AKR1B10: variants seen among roughly 807,000 people sequenced by gnomAD.
The protein encoded by AKR1B10 is aldo-keto reductase family 1 member B10.
AKR1B10 carries 39 observed loss-of-function variants against 38.9 expected under a neutral mutation model. That is an observed-to-expected ratio of 1.00 (90% CI 0.78 to 1.31). AKR1B10 has a LOEUF of 1.31. AKR1B10 is among the 50% of genes most tolerant of loss of function. AKR1B10 has a pLI of 0.00. For synonymous variants in AKR1B10, 148 were observed against 141.2 expected (o/e 1.05, Z -0.34); for missense variants, 361 against 382.6 (o/e 0.94, Z 0.47).
rs200867855 is a variant in AKR1B10, at chr7:134,540,219, G to GA, written c.909-816dup. On this transcript the variant is annotated intron_variant, in intron 9 of 9. Transcript: ENST00000359579. ...GGTGACAGCGCGAGACTCTGTCTCA[G>GA]AAAAAAAAAAAAGGTTTCAGTATCT... is the stretch of plus-strand genomic sequence containing the variant. 2.3e-3 allele frequency among the ~76,000 whole-genome samples: 331 copies of GA among 142,988 alleles called. 2 individuals carry two copies. Among genetic ancestry groups the GA allele is most frequent in the Admixed American group, 4.2e-3 (61 of 14,394 alleles). 93.8% of individuals were successfully genotyped at this position (142,988 alleles called of 152,430 possible).
At chr7:134,529,392 AGGGAATCT>A (rs1807787126) in intron 1 of AKR1B10, among the ~76,000 whole-genome samples, 1 of 152,210 alleles carries the variant, frequency 6.6e-6, no homozygotes, top group Non-Finnish European at 1.5e-5. Flanking sequence ...CCAGATCTCC[AGGGAATCT>A]ACTCACCCTG....
rs995647142 is a variant in AKR1B10, at chr7:134,537,032, G to A, written c.553-19G>A. ...ACAGAGCCGGCTTTCCCCGTGATGAGGATTGTTTGCTGTTGCAGGTTGAGT... is the reference window on the plus strand; with the variant it reads ...ACAGAGCCGGCTTTCCCCGTGATGAAGATTGTTTGCTGTTGCAGGTTGAGT... On this transcript the variant is annotated intron_variant, in intron 5 of 9. Coordinates refer to ENST00000359579, the MANE Select transcript of AKR1B10 (RefSeq NM_020299.5). 5.2e-5 allele frequency: 82 copies of A among 1,572,896 alleles called. No homozygotes were observed. The African/African-American group carries it at 1.1e-3, about 20-fold the overall frequency.
chr7:134,537,243 GTTAC>G (rs931537589), intron 6 of AKR1B10, 86 bp downstream of exon 6: 3 of 1,497,334 alleles, frequency 2.0e-6, no homozygotes, highest in Admixed American at 4.7e-5. Context: ...GGGTCCATAA[GTTAC>G]TGGAAAGAAA....
At chr7:134,535,585 C>CCTTTTTTTTTTTTTTTT (rs1554396831) in intron 4 of AKR1B10, 1 of 401,996 alleles carries the variant, frequency 2.5e-6, no homozygotes, top group African/African-American at 3.0e-5. Context: ...TCTTTTCTGT[C>CCTTTTTTTTTTTTTTTT]TTTTTTTTTT....
intron 2 of AKR1B10, 76 bp downstream of exon 2, chr7:134,530,886 C>A: frequency 6.5e-7 from 1 of 1,530,340 alleles, no homozygotes; most frequent in Non-Finnish European, 8.8e-7. Flanking sequence ...GCAGCAAGAA[C>A]TCTGTCAGCC....
intron 4 of AKR1B10, among the ~76,000 whole-genome samples, chr7:134,534,619 C>A (rs74617021): frequency 0.015 from 2,354 of 152,222 alleles, 153 homozygotes; most frequent in Admixed American, 0.12. Context: ...AATGAGCAGG[C>A]TTGAATATGT....
intron 4 of AKR1B10, among the ~76,000 whole-genome samples, chr7:134,536,425 T>C (rs1056965671): frequency 2.3e-4 from 35 of 152,234 alleles, no homozygotes; most frequent in Non-Finnish European, 4.4e-4. Context: ...GAACATAAAA[T>C]CTTTACCTGT....
intron 3 of AKR1B10, among the ~76,000 whole-genome samples, chr7:134,532,405 T>C (rs1006479180): frequency 2.0e-5 from 3 of 152,162 alleles, no homozygotes; most frequent in African/African-American, 7.2e-5. Context: ...ATTATCTTAT[T>C]AAGCAAAGTA....
chr7:134,539,804 T>A (rs1211906971), intron 9 of AKR1B10, among the ~76,000 whole-genome samples: 4 of 152,212 alleles, frequency 2.6e-5, no homozygotes, highest in Non-Finnish European at 5.9e-5. Context: ...AGCAATACTT[T>A]CTGAATAATG....
rs115450151 is a variant in AKR1B10 at position 134,530,053 on chromosome 7, A to C, written c.67-590A>C. Among the ~76,000 whole-genome samples, 469 of 152,172 alleles carry C rather than the reference A, an allele frequency of 3.1e-3. 3 individuals are homozygous for C. The highest frequency in any genetic ancestry group is 0.011 in the African/African-American group (443 of 41,510). On this transcript the variant is annotated intron_variant, in intron 1 of 9. Coordinates refer to ENST00000359579, the MANE Select transcript of AKR1B10 (RefSeq NM_020299.5). Reference sequence around the variant, plus strand: ...GGTGCTATTTTTTTTTCCATTTTGCATACAAGGTTTACAGAGATTGAATCA... The same window carrying C: ...GGTGCTATTTTTTTTTCCATTTTGCCTACAAGGTTTACAGAGATTGAATCA...
chr7:134,540,473 G>C (rs1297514609), intron 9 of AKR1B10, among the ~76,000 whole-genome samples: 2 of 152,126 alleles, frequency 1.3e-5, no homozygotes, highest in Non-Finnish European at 2.9e-5. Context: ...GGAGGCAATG[G>C]GTTGGTGGGC....
At chr7:134,539,615 A>C (rs1489615815) in intron 9 of AKR1B10, among the ~76,000 whole-genome samples, 2 of 152,112 alleles carry the variant, frequency 1.3e-5, no homozygotes, top group African/African-American at 4.8e-5. Context: ...AGCAGGTGCA[A>C]AGTCCCTGAG....
chr7:134,530,930 G>T (rs2117538189), intron 2 of AKR1B10, 120 bp downstream of exon 2: 1 of 1,349,302 alleles, frequency 7.4e-7, no homozygotes, highest in Non-Finnish European at 1.0e-6. Flanking sequence ...TCTCTGCCTT[G>T]ATAACATCCG....
chr7:134,535,742 T>C lies in AKR1B10; in HGVS notation c.430-908T>C, dbSNP rs572157400. The C allele has an allele frequency of 3.5e-5, 33 of 945,556 alleles. No homozygotes were observed. In the African/African-American group the frequency reaches 5.2e-4, roughly 15 times the overall value. The allele number at this position is 945,556 out of a possible 1,614,324, so 58.6% of individuals were successfully genotyped here. On this transcript the variant is annotated intron_variant, in intron 4 of 9. Transcript: ENST00000359579. ...GTTATCTGAGGCAGCCTCAGTGTCA[T>C]GATTGATGGCTCCATAGAAGGGAAC...
Position 134,541,038 on chromosome 7 carries a change from T to A in AKR1B10, c.909-9T>A. 1 of 1,567,854 alleles carries A rather than the reference T, an allele frequency of 6.4e-7. No homozygotes were observed. The highest frequency in any genetic ancestry group is 8.8e-7 in the Non-Finnish European group (1 of 1,140,564). On this transcript the variant is annotated splice_polypyrimidine_tract_variant and intron_variant, in intron 9 of 9. Coordinates refer to ENST00000359579, the MANE Select transcript of AKR1B10 (RefSeq NM_020299.5). Reference sequence around the variant, plus strand: ...TTTCTCTGTTTTTGTTTTTTGTTCTTTCCTGCAGATCCTCTCATTTGGAAG... The same window carrying A: ...TTTCTCTGTTTTTGTTTTTTGTTCTATCCTGCAGATCCTCTCATTTGGAAG...
At position 134,530,241 on chromosome 7, in the gene AKR1B10, G is replaced by A. The variant is rs1051180486; in HGVS notation, c.67-402G>A. On this transcript the variant is annotated intron_variant, in intron 1 of 9. Coordinates refer to ENST00000359579, the MANE Select transcript of AKR1B10 (RefSeq NM_020299.5). ...GTCTTCAGAAAGTTGTAGTGGAGCG[G>A]TCTGCACCCCCACACACCTGAAGAC... Among the ~76,000 whole-genome samples, 10 of 152,272 alleles carry A rather than the reference G, an allele frequency of 6.6e-5. No homozygotes were observed. The South Asian group carries it at 8.3e-4, about 13-fold the overall frequency.
chr7:134,530,967 G>A (rs1807840269), intron 2 of AKR1B10, among the ~76,000 whole-genome samples, 157 bp downstream of exon 2: 1 of 152,168 alleles, frequency 6.6e-6, no homozygotes, highest in African/African-American at 2.4e-5. Flanking sequence ...CATACTCCAA[G>A]CCATTATTGA....
In AKR1B10 at chr7:134,537,589, A is replaced by T. The variant is rs2347382; in HGVS notation, c.669A>T (p.Pro223=). The part of the protein sequence containing the change: ...LGSPDRPWAK[P]EDPSLLEDPK... ...ATCTTTCTGCCCCTAGGGCCAAGCC[A>T]GAAGACCCTTCCCTGCTGGAGGATC... Residue 223 remains proline, a synonymous_variant, in exon 7 of 10, where the codon CCA becomes CCT. Transcript: ENST00000359579. 1.5e-5 allele frequency: 24 copies of T among 1,613,758 alleles called. No homozygotes were observed. The highest frequency in any genetic ancestry group is 1.2e-4 in the Admixed American group (7 of 60,000).
In AKR1B10 at chr7:134,541,211, T is replaced by C. The variant is rs1008612757; in HGVS notation, c.*122T>C. On this transcript the variant is annotated 3_prime_UTR_variant, in exon 10 of 10. Coordinates refer to ENST00000359579, the MANE Select transcript of AKR1B10 (RefSeq NM_020299.5). ...GATCACAGTGAACTTAGTCCTGTTATAGACGAGAATCGAGGTGCTGTTTTA... is the reference window on the plus strand; with the variant it reads ...GATCACAGTGAACTTAGTCCTGTTACAGACGAGAATCGAGGTGCTGTTTTA... 8.4e-6 allele frequency: 6 copies of C among 715,664 alleles called. No individual in the cohort carries two copies. The highest frequency in any genetic ancestry group is 1.2e-5 in the Non-Finnish European group (5 of 429,532). 44.3% of individuals were successfully genotyped at this position (715,664 alleles called of 1,614,324 possible).
Sources: allele counts gnomAD v4.1 joint callset (sites outside exome capture counted in the v4.1 genomes callset), GRCh38; gene constraint gnomAD v4.1.1; transcripts MANE v1.5; gene names NCBI Gene and HGNC (gene_info 2026-07-23, HGNC 2026-07-21).